TET2: variants seen among roughly 807,000 people sequenced by gnomAD.
TET2 encodes the protein tet methylcytosine dioxygenase 2.
A neutral mutation model predicts 142.9 loss-of-function variants in TET2; 299 were observed. The observed-to-expected ratio is 2.09, with a 90% CI of 1.90 to 2.30. The LOEUF (loss-of-function observed/expected upper bound fraction) is 2.30. Among genes scored for constraint, TET2 ranks in the 30% most tolerant of loss-of-function variants. The pLI is 0.00. For missense variants in TET2, 2,418 were observed against 2,378.0 expected (o/e 1.02, Z -0.35); for synonymous variants, 819 against 849.0 (o/e 0.96, Z 0.61).
At chr4:105,266,735 A>AAT (rs1730698189) in intron 8 of TET2, among the ~76,000 whole-genome samples, 2 of 152,062 alleles carry the variant, frequency 1.3e-5, no homozygotes, top group Non-Finnish European at 2.9e-5. Context: ...GAAAAAAATG[A>AAT]ATATATAAAA....
intron 1 of TET2, among the ~76,000 whole-genome samples, chr4:105,164,960 A>C (rs1322287151): frequency 6.6e-6 from 1 of 152,208 alleles, no homozygotes; most frequent in Non-Finnish European, 1.5e-5. Context: ...TGTCCATAGA[A>C]ATATTAAATG....
intron 8 of TET2, among the ~76,000 whole-genome samples, chr4:105,264,104 T>TC: frequency 6.8e-6 from 1 of 147,562 alleles, no homozygotes; most frequent in Admixed American, 6.8e-5. Flanking sequence ...TCCCAAACAT[T>TC]TTTTTTTTTT....
chr4:105,200,972 T>C (rs1726428271), intron 2 of TET2, among the ~76,000 whole-genome samples: 1 of 152,198 alleles, frequency 6.6e-6, no homozygotes, highest in African/African-American at 2.4e-5. Context: ...GGTCATACTT[T>C]TAATCAAAAT....
intron 5 of TET2, 61 bp downstream of exon 5, chr4:105,242,988 G>T: frequency 7.2e-7 from 1 of 1,381,932 alleles, no homozygotes; most frequent in South Asian, 1.3e-5. Context: ...TTGTAAATCT[G>T]ACCCTGAGAA....
intron 1 of TET2, among the ~76,000 whole-genome samples, chr4:105,152,412 ATT>A (rs1723349035): frequency 6.6e-6 from 1 of 152,002 alleles, no homozygotes; most frequent in African/African-American, 2.4e-5. Context: ...TTCAAATTAC[ATT>A]TCTTTTTTGT....
At chr4:105,231,316 T>C (rs1375292837) in intron 2 of TET2, among the ~76,000 whole-genome samples, 1 of 152,174 alleles carries the variant, frequency 6.6e-6, no homozygotes, top group Non-Finnish European at 1.5e-5. Flanking sequence ...GACAACTATC[T>C]AAGAACATAT....
At chr4:105,155,163 C>A (rs1300149932) in intron 1 of TET2, among the ~76,000 whole-genome samples, 1 of 152,166 alleles carries the variant, frequency 6.6e-6, no homozygotes, top group African/African-American at 2.4e-5. Flanking sequence ...CAATGCAGGG[C>A]AGAGAATAAA....
intron 6 of TET2, among the ~76,000 whole-genome samples, chr4:105,244,776 G>C (rs557395287): frequency 6.6e-6 from 1 of 151,862 alleles, no homozygotes; most frequent in Non-Finnish European, 1.5e-5. Flanking sequence ...TGTATTTTTA[G>C]TAGAGACAGG....
rs1205668799 is a variant in TET2, at chr4:105,242,765, A to G, written c.3501-69A>G. On this transcript the variant is annotated intron_variant, in intron 4 of 10. Transcript: ENST00000380013. ...GAATAAAGTTATGCTCAAATGTTCA[A>G]ATATTTTGATTGCCTCTTGAATTCA... The G allele has an allele frequency of 1.3e-6, 2 of 1,524,854 alleles. 1 individual carries two copies. The highest frequency in any genetic ancestry group is 1.8e-6 in the Non-Finnish European group (2 of 1,137,326). 94.5% of individuals were successfully genotyped at this position (1,524,854 alleles called of 1,614,324 possible). A position where few individuals can be genotyped will look rare whatever the true frequency, so the allele number is the denominator to read the frequency against.
At chr4:105,197,960 A>G (rs1333790131) in intron 2 of TET2, among the ~76,000 whole-genome samples, 2 of 152,172 alleles carry the variant, frequency 1.3e-5, no homozygotes, top group African/African-American at 2.4e-5. Flanking sequence ...TAGAATTACT[A>G]TGATGTTTAT....
At chr4:105,265,104 T>A (rs1220660605) in intron 8 of TET2, among the ~76,000 whole-genome samples, 2 of 152,194 alleles carry the variant, frequency 1.3e-5, no homozygotes, top group Non-Finnish European at 2.9e-5. Context: ...ATAGCAGGTG[T>A]CAATCTCAAA....
chr4:105,148,990 A>C (rs565318864), intron 1 of TET2, among the ~76,000 whole-genome samples: 23 of 152,302 alleles, frequency 1.5e-4, no homozygotes, highest in African/African-American at 5.3e-4. Context: ...ATTACAAGGG[A>C]GAAGCATTAC....
intron 1 of TET2, among the ~76,000 whole-genome samples, chr4:105,152,974 G>A (rs1213798774): frequency 1.3e-5 from 2 of 151,932 alleles, no homozygotes; most frequent in East Asian, 1.9e-4. Flanking sequence ...GTAATGGTGT[G>A]TTTTCCTTAC....
chr4:105,267,111 C>A (rs1353483615), intron 8 of TET2, among the ~76,000 whole-genome samples: 1 of 151,632 alleles, frequency 6.6e-6, no homozygotes, highest in East Asian at 1.9e-4. Flanking sequence ...AGAAAAAAGA[C>A]TCTCCACCCA....
At chr4:105,240,444 C>G in intron 3 of TET2, 11 of 1,075,226 alleles carry the variant, frequency 1.0e-5, no homozygotes, top group Non-Finnish European at 1.3e-5. Flanking sequence ...TTAATTATAG[C>G]TATGCAGCAT....
Position 105,236,624 on chromosome 4 carries a change from A to G in TET2, c.2682A>G (p.Ser894=), listed in dbSNP as rs753088410. ...QEQEQKSQQA[S]VLQGYKNRNQ... is the part of the protein sequence containing the mutation. The stretch of plus-strand genomic sequence containing the variant: ...AGGAGCAGAAGTCACAACAAGCTTC[A>G]GTTCTACAGGGATATAAAAATAGAA... Residue 894 remains serine (S), a synonymous_variant, in exon 3 of 11, where the codon TCA becomes TCG. Transcript: ENST00000380013. 6.2e-7 allele frequency: 1 copy of G among 1,614,094 alleles called. No homozygotes were observed. The highest frequency in any genetic ancestry group is 8.5e-7 in the Non-Finnish European group (1 of 1,180,014).
Position 105,237,132 on chromosome 4 carries a change from GTT to G in TET2, c.3193_3194del (p.Leu1065AspfsTer2). 6.2e-7 allele frequency: 1 copy of G among 1,614,156 alleles called. No individual in the cohort carries two copies. The highest frequency in any genetic ancestry group is 8.5e-7 in the Non-Finnish European group (1 of 1,180,024). ...AGTTGAAATGTCAGGGCCAGTCACA[GTT>G]TTGACTAGACAAACCACTGCTGCAG... ...VKVEMSGPVT[V>X]LTRQTTAAEL... On this transcript the variant is annotated frameshift_variant, in exon 3 of 11. Coordinates refer to ENST00000380013, the MANE Select transcript of TET2 (RefSeq NM_001127208.3). LOFTEE classifies it high-confidence loss of function.
chr4:105,231,720 C>A (rs7658539), intron 2 of TET2, among the ~76,000 whole-genome samples: 64,678 of 151,970 alleles, frequency 0.43, 14,509 homozygotes, highest in Non-Finnish European at 0.52. Flanking sequence ...AGAAAATAGT[C>A]TTTCTTTTTC....
intron 6 of TET2, among the ~76,000 whole-genome samples, chr4:105,254,664 A>C (rs1295532027): frequency 6.6e-6 from 1 of 152,174 alleles, no homozygotes; most frequent in African/African-American, 2.4e-5. Flanking sequence ...TGCCTGCCTC[A>C]GCCTCCAAAG....
Sources: gnomAD v4.1 joint callset for allele counts (sites outside exome capture counted in the v4.1 genomes callset) on GRCh38, gnomAD v4.1.1 for gene constraint, MANE v1.5 for transcripts, NCBI Gene and HGNC (gene_info 2026-07-23, HGNC 2026-07-21) for gene names.